SSH2: variants seen among roughly 807,000 people sequenced by gnomAD.
SSH2 encodes protein phosphatase Slingshot homolog 2.
Under a neutral mutation model 135.2 loss-of-function variants are expected in SSH2, and 37 were observed. That is an observed-to-expected ratio of 0.27 (90% CI 0.21 to 0.36). The LOEUF is 0.36. SSH2 is among the 10% of genes least tolerant of loss of function. The probability of loss-of-function intolerance (pLI) is 1.00; values close to 1 mark genes in which losing one functional copy is unlikely to be tolerated. For missense variants in SSH2, 1,408 were observed against 1,765.3 expected (o/e 0.80, Z 3.63); for synonymous variants, 628 against 646.2 (o/e 0.97, Z 0.43).
At chr17:29,669,039 A>G (rs1228723798) in intron 9 of SSH2, among the ~76,000 whole-genome samples, 1 of 152,080 alleles carries the variant, frequency 6.6e-6, no homozygotes, top group Non-Finnish European at 1.5e-5. Flanking sequence ...ACCTGAGGTT[A>G]AGAGTTCGAG....
chr17:29,889,742 A>G (rs543990421), intron 1 of SSH2, among the ~76,000 whole-genome samples: 1 of 150,774 alleles, frequency 6.6e-6, no homozygotes, highest in East Asian at 2.0e-4. Flanking sequence ...AAAGACAAAA[A>G]GTCCAATTTA....
chr17:29,668,831 A>G (rs2037377476), intron 9 of SSH2, among the ~76,000 whole-genome samples: 1 of 152,112 alleles, frequency 6.6e-6, no homozygotes, highest in Non-Finnish European at 1.5e-5. Flanking sequence ...ATCCCTCACA[A>G]GTGTTTGAGG....
chr17:29,650,906 T>A, intron 12 of SSH2, 106 bp from the exon 13 acceptor site: 1 of 890,294 alleles, frequency 1.1e-6, no homozygotes, highest in Non-Finnish European at 1.6e-6. Context: ...AGACTGAAAT[T>A]AAATACAAAA....
intron 1 of SSH2, among the ~76,000 whole-genome samples, chr17:29,876,614 T>C (rs2066035168): frequency 6.6e-6 from 1 of 151,526 alleles, no homozygotes; most frequent in African/African-American, 2.4e-5. Context: ...AGAACATACA[T>C]TGGGGAAAAG....
intron 1 of SSH2, among the ~76,000 whole-genome samples, chr17:29,909,383 TA>T (rs140294286): frequency 0.014 from 2,018 of 148,878 alleles, 39 homozygotes; most frequent in African/African-American, 0.047. Flanking sequence ...ACGGTAAGAT[TA>T]AAAAAAAAAT....
intron 9 of SSH2, among the ~76,000 whole-genome samples, chr17:29,668,366 T>C (rs1434440211): frequency 6.6e-6 from 1 of 152,212 alleles, no homozygotes; most frequent in African/African-American, 2.4e-5. Context: ...TTAAAATTCT[T>C]ATCCATGCTT....
At chr17:29,809,072 G>A (rs1184505033) in intron 2 of SSH2, among the ~76,000 whole-genome samples, 1 of 152,186 alleles carries the variant, frequency 6.6e-6, no homozygotes, top group African/African-American at 2.4e-5. Context: ...TGGCCAACAT[G>A]GCAAAACTTC....
intron 3 of SSH2, among the ~76,000 whole-genome samples, chr17:29,781,336 C>T (rs942676774): frequency 4.6e-5 from 7 of 151,920 alleles, no homozygotes; most frequent in African/African-American, 9.7e-5. Flanking sequence ...AAAAAATAAA[C>T]AGAGCAAATA....
intron 11 of SSH2, among the ~76,000 whole-genome samples, chr17:29,661,636 G>C (rs1371859103): frequency 6.6e-6 from 1 of 152,224 alleles, no homozygotes; most frequent in African/African-American, 2.4e-5. Context: ...CAAGGAGACA[G>C]ATGCCAAACA....
chr17:29,921,765 C>T (rs2066980319), intron 1 of SSH2, among the ~76,000 whole-genome samples: 1 of 152,008 alleles, frequency 6.6e-6, no homozygotes, highest in African/African-American at 2.4e-5. Flanking sequence ...GTAGGCTGGT[C>T]TCAAACTCCC....
rs2039133620 is a variant in SSH2 at position 29,704,790 on chromosome 17, CAATAA to C, written c.189-1733_189-1729del. Among the ~76,000 whole-genome samples the C allele has an allele frequency of 1.3e-5, 2 of 150,354 alleles. 1 individual carries two copies. Among genetic ancestry groups the C allele is most frequent in the South Asian group, 4.2e-4 (2 of 4,756 alleles). On this transcript the variant is annotated intron_variant, in intron 3 of 15. Coordinates refer to ENST00000540801, the MANE Select transcript of SSH2 (RefSeq NM_001282129.2). ...AAAATAAATCTAAATTATTTCATAT[CAATAA>C]ACTAAATAAGCCTTTCAAGTTATCC...
chr17:29,871,607 A>G (rs2065937655), intron 1 of SSH2, among the ~76,000 whole-genome samples: 1 of 151,900 alleles, frequency 6.6e-6, no homozygotes, highest in Non-Finnish European at 1.5e-5. Context: ...AATAAATAAG[A>G]AAATAAATCA....
chr17:29,868,474 A>T (rs2065889551), intron 1 of SSH2, among the ~76,000 whole-genome samples: 1 of 152,180 alleles, frequency 6.6e-6, no homozygotes. Context: ...GCGGTGTCTC[A>T]TGCCTGTAAT....
At chr17:29,841,892 A>ATTTTTTTTTTTTTTTTTTTTTTT (rs770836134) in intron 2 of SSH2, among the ~76,000 whole-genome samples, 1 of 99,648 alleles carries the variant, frequency 1.0e-5, no homozygotes, top group African/African-American at 3.9e-5. Flanking sequence ...CCCTTGGCTA[A>ATTTTTTTTTTTTTTTTTTTTTTT]TTTTTTTTTT....
At chr17:29,798,646 C>A (rs1008685602) in intron 2 of SSH2, among the ~76,000 whole-genome samples, 1 of 152,090 alleles carries the variant, frequency 6.6e-6, no homozygotes. Flanking sequence ...TTATAATTAT[C>A]CCATTTTAGG....
intron 1 of SSH2, among the ~76,000 whole-genome samples, chr17:29,913,348 A>AAAAAAAAAAAAAAAAT (rs1491105093): frequency 7.3e-5 from 1 of 13,694 alleles, no homozygotes; most frequent in Non-Finnish European, 1.3e-4. Context: ...AAAAAAAAAA[A>AAAAAAAAAAAAAAAAT]TATATATATA....
intron 3 of SSH2, among the ~76,000 whole-genome samples, chr17:29,711,187 T>A (rs1202821107): frequency 6.6e-6 from 1 of 152,216 alleles, no homozygotes; most frequent in Non-Finnish European, 1.5e-5. Context: ...CCAGCTCATC[T>A]TCCACTTAAA....
chr17:29,918,869 G>A (rs1238961066), intron 1 of SSH2, among the ~76,000 whole-genome samples: 1 of 151,980 alleles, frequency 6.6e-6, no homozygotes, highest in Non-Finnish European at 1.5e-5. Flanking sequence ...CCCGGGAGGC[G>A]GAGGTTGCAG....
chr17:29,873,761 A>T (rs2065979033), intron 1 of SSH2, among the ~76,000 whole-genome samples: 1 of 152,170 alleles, frequency 6.6e-6, no homozygotes, highest in African/African-American at 2.4e-5. Flanking sequence ...TCCAAGGGAA[A>T]GTTTCCTTCC....
Sources: gnomAD v4.1 joint callset for allele counts (sites outside exome capture counted in the v4.1 genomes callset) on GRCh38, gnomAD v4.1.1 for gene constraint, MANE v1.5 for transcripts, NCBI Gene and HGNC (gene_info 2026-07-23, HGNC 2026-07-21) for gene names.